The following KLHL1 variants were observed in gnomAD, a reference collection of about 807,000 sequenced individuals.
KLHL1 encodes the protein kelch like family member 1, also known as kelch-like protein 1.
In KLHL1, 47 loss-of-function variants were observed where a neutral mutation model predicts 77.7. The observed-to-expected ratio is 0.60, with a 90% CI of 0.48 to 0.77. KLHL1 has a LOEUF of 0.77. KLHL1 is among the 30% of genes least tolerant of loss of function. KLHL1 has a pLI of 0.00. For missense variants in KLHL1, 925 were observed against 910.8 expected (o/e 1.02, Z -0.20); for synonymous variants, 360 against 325.2 (o/e 1.11, Z -1.15).
chr13:70,011,835 C>T (rs1885540294), intron 1 of KLHL1, among the ~76,000 whole-genome samples: 2 of 152,036 alleles, frequency 1.3e-5, no homozygotes, highest in African/African-American at 4.8e-5. Context: ...CATTTTCATG[C>T]CGTTGATAAA....
chr13:69,790,091 A>C (rs1381615312), intron 7 of KLHL1, among the ~76,000 whole-genome samples: 2 of 152,022 alleles, frequency 1.3e-5, no homozygotes, highest in African/African-American at 2.4e-5. Context: ...TTTCTAAGCT[A>C]ACCATTATGT....
At chr13:69,826,771 G>GT (rs1181665750) in intron 6 of KLHL1, among the ~76,000 whole-genome samples, 2 of 140,142 alleles carry the variant, frequency 1.4e-5, no homozygotes, top group African/African-American at 3.0e-5. Flanking sequence ...AATAAAAGTT[G>GT]TTTTTTTCAT....
At chr13:69,910,449 G>A (rs1190614938) in intron 4 of KLHL1, among the ~76,000 whole-genome samples, 1 of 151,824 alleles carries the variant, frequency 6.6e-6, no homozygotes, top group African/African-American at 2.4e-5. Flanking sequence ...AGGCAACAAG[G>A]GTTTTCAATT....
intron 5 of KLHL1, among the ~76,000 whole-genome samples, chr13:69,857,427 G>T (rs895411760): frequency 6.6e-6 from 1 of 151,926 alleles, no homozygotes; most frequent in Non-Finnish European, 1.5e-5. Flanking sequence ...CCCCCTAGTG[G>T]ACATATTACT....
At chr13:69,992,036 T>G (rs1202618411) in intron 1 of KLHL1, among the ~76,000 whole-genome samples, 1 of 151,986 alleles carries the variant, frequency 6.6e-6, no homozygotes, top group African/African-American at 2.4e-5. Flanking sequence ...TCAGACCTAA[T>G]GAATCAAGCC....
At chr13:69,786,115 C>CCAAT (rs1347264511) in intron 7 of KLHL1, among the ~76,000 whole-genome samples, 1 of 152,134 alleles carries the variant, frequency 6.6e-6, no homozygotes, top group Non-Finnish European at 1.5e-5. Flanking sequence ...TGAAACTATT[C>CCAAT]CAATCAATAG....
chr13:69,851,673 C>G (rs1845224690), intron 5 of KLHL1, among the ~76,000 whole-genome samples: 1 of 151,716 alleles, frequency 6.6e-6, no homozygotes, highest in Admixed American at 6.6e-5. Context: ...CTGGACTCCT[C>G]TCTCTTTCTA....
At chr13:69,923,096 G>A (rs1424697527) in intron 4 of KLHL1, among the ~76,000 whole-genome samples, 1 of 152,114 alleles carries the variant, frequency 6.6e-6, no homozygotes, top group Non-Finnish European at 1.5e-5. Context: ...TCCCCAGAAT[G>A]AGACACTTAA....
At chr13:69,995,589 T>C (rs1029272955) in intron 1 of KLHL1, among the ~76,000 whole-genome samples, 1 of 152,164 alleles carries the variant, frequency 6.6e-6, no homozygotes, top group Non-Finnish European at 1.5e-5. Context: ...TATTTATCCA[T>C]GCTTTTCACA....
chr13:69,980,077 T>C (rs1002223258), intron 1 of KLHL1, among the ~76,000 whole-genome samples: 2 of 152,220 alleles, frequency 1.3e-5, no homozygotes, highest in African/African-American at 4.8e-5. Context: ...GGCTGAGAAC[T>C]GACCAACATG....
chr13:69,998,426 G>A (rs1006688387), intron 1 of KLHL1, among the ~76,000 whole-genome samples: 7 of 152,042 alleles, frequency 4.6e-5, no homozygotes, highest in Non-Finnish European at 7.4e-5. Context: ...TCCTAAGAGA[G>A]AATGGGGACT....
chr13:69,803,407 A>T (rs1407956130), intron 6 of KLHL1, among the ~76,000 whole-genome samples: 3 of 152,140 alleles, frequency 2.0e-5, no homozygotes, highest in African/African-American at 4.8e-5. Flanking sequence ...TCTGAGAAAC[A>T]CTTCTTTTTA....
rs1185282462 is a variant in KLHL1, at chr13:70,027,649, G to GTTTTTTTTTTTTTTTT, written c.498-51848_498-51847insAAAAAAAAAAAAAAAA. Among the ~76,000 whole-genome samples the GTTTTTTTTTTTTTTTT allele has an allele frequency of 1.0e-4, 11 of 109,326 alleles. 1 individual carries two copies. The highest frequency in any genetic ancestry group is 2.8e-4 in the East Asian group (1 of 3,526). The allele number at this position is 109,326 out of a possible 152,430, so 71.7% of individuals were successfully genotyped here. ...GGCATTTTTGAAGCGCAAAATGTAAGTTGTTTTTTTTTTTTTATGAACTGA... is the reference window on the plus strand; with the variant it reads ...GGCATTTTTGAAGCGCAAAATGTAAGTTTTTTTTTTTTTTTTTTGTTTTTTTTTTTTTATGAACTGA... On this transcript the variant is annotated intron_variant, in intron 1 of 10. Coordinates refer to ENST00000377844, the MANE Select transcript of KLHL1 (RefSeq NM_020866.3).
At chr13:69,808,103 G>A (rs1877695735) in intron 6 of KLHL1, among the ~76,000 whole-genome samples, 1 of 151,982 alleles carries the variant, frequency 6.6e-6, no homozygotes, top group Non-Finnish European at 1.5e-5. Context: ...TGAAGCCCAG[G>A]AATGGATATG....
chr13:70,037,597 T>A (rs1189653404), intron 1 of KLHL1, among the ~76,000 whole-genome samples: 2 of 152,100 alleles, frequency 1.3e-5, no homozygotes, highest in Non-Finnish European at 2.9e-5. Flanking sequence ...TTGTCTCTTC[T>A]TTAGTTTCTT....
At chr13:69,979,440 T>A (rs1257742191) in intron 1 of KLHL1, among the ~76,000 whole-genome samples, 1 of 152,120 alleles carries the variant, frequency 6.6e-6, no homozygotes, top group Non-Finnish European at 1.5e-5. Flanking sequence ...AGAACACTTA[T>A]AATTTTTAAG....
intron 4 of KLHL1, among the ~76,000 whole-genome samples, chr13:69,920,046 A>T (rs951857979): frequency 6.6e-6 from 1 of 152,124 alleles, no homozygotes; most frequent in Non-Finnish European, 1.5e-5. Context: ...CATTTGGCCT[A>T]ACTTTATTAG....
At chr13:70,015,875 A>G (rs1006443483) in intron 1 of KLHL1, among the ~76,000 whole-genome samples, 20 of 152,234 alleles carry the variant, frequency 1.3e-4, no homozygotes, top group African/African-American at 3.6e-4. Flanking sequence ...TTACCATAAC[A>G]TAACTGAATA....
At chr13:69,804,314 G>A (rs893162571) in intron 6 of KLHL1, among the ~76,000 whole-genome samples, 1 of 151,834 alleles carries the variant, frequency 6.6e-6, no homozygotes, top group Non-Finnish European at 1.5e-5. Context: ...TTGTGGGGGG[G>A]GGAAATAGTA....
Sources: gnomAD v4.1 joint callset for allele counts (sites outside exome capture counted in the v4.1 genomes callset) on GRCh38, gnomAD v4.1.1 for gene constraint, MANE v1.5 for transcripts, NCBI Gene and HGNC (gene_info 2026-07-23, HGNC 2026-07-21) for gene names.